COA1: variants seen among roughly 807,000 people sequenced by gnomAD.
COA1 encodes the protein cytochrome c oxidase assembly factor 1.
In COA1, 13 loss-of-function variants were observed where a neutral mutation model predicts 16.0. The ratio of observed to expected loss-of-function variants is 0.81; its 90% CI spans 0.53 to 1.29. COA1 has a LOEUF of 1.29. COA1 is among the 50% of genes most tolerant of loss of function. The pLI is 0.00. For synonymous variants in COA1, 65 were observed against 65.7 expected (o/e 0.99, Z 0.05); for missense variants, 179 against 177.0 (o/e 1.01, Z -0.06).
intron 6 of COA1, among the ~76,000 whole-genome samples, chr7:43,612,348 C>G (rs1423267872): frequency 6.6e-6 from 1 of 152,154 alleles, no homozygotes; most frequent in Non-Finnish European, 1.5e-5. Flanking sequence ...GGAGTGATTT[C>G]TACTAAAAGG....
intron 1 of COA1, among the ~76,000 whole-genome samples, chr7:43,693,598 TA>T (rs2094441099): frequency 2.0e-5 from 3 of 152,072 alleles, no homozygotes; most frequent in Non-Finnish European, 2.9e-5. Context: ...CCAACATTTT[TA>T]AAGTCCATAA....
At chr7:43,705,151 CCTTGAGGTT>C (rs2094922027) in intron 1 of COA1, among the ~76,000 whole-genome samples, 1 of 152,122 alleles carries the variant, frequency 6.6e-6, no homozygotes, top group Non-Finnish European at 1.5e-5. Context: ...TTTTCTGGCT[CCTTGAGGTT>C]AAGTACCTAC....
chr7:43,700,008 C>T (rs548512269), intron 1 of COA1, among the ~76,000 whole-genome samples: 4 of 152,118 alleles, frequency 2.6e-5, no homozygotes, highest in African/African-American at 9.6e-5. Flanking sequence ...TAACTTCAAC[C>T]TCTTTAGTGT....
At chr7:43,644,744 A>AGATT (rs2088423292) in intron 4 of COA1, among the ~76,000 whole-genome samples, 2 of 90,366 alleles carry the variant, frequency 2.2e-5, no homozygotes, top group African/African-American at 7.9e-5. Context: ...ATAGATAGAT[A>AGATT]GATAGATAGA....
At chr7:43,635,857 AGTTAAAAGATAAGT>A (rs71011934), downstream of COA1, among the ~76,000 whole-genome samples, 22,335 of 152,128 alleles carry the variant, frequency 0.15, 2,182 homozygotes, top group Non-Finnish European at 0.21. Flanking sequence ...TGGTAGCTCA[AGTTAAAAGATAAGT>A]GTTAAAAGAT....
At chr7:43,696,699 A>ATG (rs35502637) in intron 1 of COA1, among the ~76,000 whole-genome samples, 6 of 152,160 alleles carry the variant, frequency 3.9e-5, no homozygotes, top group African/African-American at 1.4e-4. Context: ...ATATATACAT[A>ATG]TGTGTGTGTA....
chr7:43,720,053 C>T (rs1197543293), intron 1 of COA1, among the ~76,000 whole-genome samples: 6 of 151,618 alleles, frequency 4.0e-5, no homozygotes, highest in South Asian at 2.1e-4. Flanking sequence ...CCAAGGTGGG[C>T]GGGTCACTTG....
downstream of COA1, among the ~76,000 whole-genome samples, chr7:43,634,289 C>T (rs1235662456): frequency 6.6e-6 from 1 of 152,170 alleles, no homozygotes. Context: ...GGGTTTGAGA[C>T]GCTGGACCTT....
Position 43,717,151 on chromosome 7 carries a change from C to T in COA1, c.-39+12278G>A, listed in dbSNP as rs563194970. 4.6e-5 allele frequency among the ~76,000 whole-genome samples: 7 copies of T among 152,316 alleles called. No homozygotes were observed. The South Asian group carries it at 1.5e-3, about 32-fold the overall frequency. On this transcript the variant is annotated intron_variant, in intron 1 of 5. Transcript: ENST00000223336. The stretch of plus-strand genomic sequence containing the variant: ...ACACAGAGTCCCTACTGGGGCACTA[C>T]CTAGTGAAGCTGTGAGAAGAGGGCC...
At chr7:43,695,534 C>T (rs2094499646) in intron 1 of COA1, among the ~76,000 whole-genome samples, 1 of 152,058 alleles carries the variant, frequency 6.6e-6, no homozygotes, top group South Asian at 2.1e-4. Context: ...TTCCATTTCC[C>T]TTCACTAGAA....
downstream of COA1, chr7:43,639,073 T>C (rs1371567230): frequency 6.6e-6 from 1 of 152,276 alleles, no homozygotes; most frequent in Non-Finnish European, 1.5e-5. Flanking sequence ...ATAGAGAATG[T>C]CCACAAGCTA....
At chr7:43,706,413 T>C (rs1483591382) in intron 1 of COA1, among the ~76,000 whole-genome samples, 1 of 152,016 alleles carries the variant, frequency 6.6e-6, no homozygotes, top group African/African-American at 2.4e-5. Context: ...CCAGACATGG[T>C]GGCACACACC....
intron 1 of COA1, among the ~76,000 whole-genome samples, chr7:43,661,358 C>T (rs1004901747): frequency 3.3e-5 from 5 of 152,100 alleles, no homozygotes; most frequent in South Asian, 2.1e-4. Context: ...CTTTCCAGGC[C>T]GGGTGCAGTG....
chr7:43,680,358 G>A (rs1238608995), intron 1 of COA1, among the ~76,000 whole-genome samples: 1 of 150,736 alleles, frequency 6.6e-6, no homozygotes, highest in African/African-American at 2.4e-5. Context: ...GGCCCAAAAC[G>A]TCTTTAATTA....
At chr7:43,635,573 C>G (rs1052341957), downstream of COA1, among the ~76,000 whole-genome samples, 1 of 152,162 alleles carries the variant, frequency 6.6e-6, no homozygotes, top group Admixed American at 6.5e-5. Context: ...CATGCCACTT[C>G]CACTCACAAG....
chr7:43,668,592 T>C (rs1355346115), intron 1 of COA1, among the ~76,000 whole-genome samples: 6 of 152,206 alleles, frequency 3.9e-5, no homozygotes, highest in African/African-American at 1.4e-4. Flanking sequence ...TTTGCCTACA[T>C]TTTAGACTAA....
chr7:43,656,343 G>T (rs1008522963), intron 1 of COA1, among the ~76,000 whole-genome samples: 1 of 152,204 alleles, frequency 6.6e-6, no homozygotes, highest in East Asian at 1.9e-4. Context: ...CTTAAAAATA[G>T]AAGACTTGGA....
chr7:43,651,136 A>G (rs2051970), intron 1 of COA1, among the ~76,000 whole-genome samples: 126,031 of 152,270 alleles, frequency 0.83, 52,611 homozygotes, highest in African/African-American at 0.94. Context: ...CTGCACGAAT[A>G]TTACCTCTTA....
chr7:43,637,506 T>C (rs17439981), downstream of COA1, among the ~76,000 whole-genome samples: 22,338 of 152,182 alleles, frequency 0.15, 2,184 homozygotes, highest in Non-Finnish European at 0.21. Flanking sequence ...CTCTGATGCA[T>C]TATCCAAGAC....
Sources: gnomAD v4.1 joint callset for allele counts (sites outside exome capture counted in the v4.1 genomes callset) on GRCh38, gnomAD v4.1.1 for gene constraint, MANE v1.5 for transcripts, NCBI Gene and HGNC (gene_info 2026-07-23, HGNC 2026-07-21) for gene names.